METTL15: variants seen among roughly 807,000 people sequenced by gnomAD.
The protein encoded by METTL15 is methyltransferase 15, mitochondrial 12S rRNA N4-cytidine.
METTL15 carries 34 observed loss-of-function variants against 38.3 expected under a neutral mutation model. The observed-to-expected ratio is 0.89, with a 90% CI of 0.68 to 1.18. The LOEUF (loss-of-function observed/expected upper bound fraction) is 1.18. Ranked by LOEUF, METTL15 falls within the 50% of genes most tolerant of loss-of-function variation. The pLI, the probability that METTL15 is intolerant of heterozygous loss-of-function variation, is 0.00. For synonymous variants in METTL15, 162 were observed against 170.9 expected, an observed-to-expected ratio of 0.95 and a Z score of 0.41; for missense variants, 438 against 498.4, an observed-to-expected ratio of 0.88 and a Z score of 1.15.
intron 6 of METTL15, among the ~76,000 whole-genome samples, chr11:28,525,571 G>T (rs1040638186): frequency 2.0e-5 from 3 of 151,928 alleles, no homozygotes; most frequent in Non-Finnish European, 4.4e-5. Flanking sequence ...GACACAGAGC[G>T]CTGATTGGTG....
chr11:28,219,175 A>T (rs915933666), intron 4 of METTL15, among the ~76,000 whole-genome samples: 3 of 152,074 alleles, frequency 2.0e-5, no homozygotes, highest in African/African-American at 7.2e-5. Context: ...TTAGGCTGTG[A>T]GTCTGTCTGG....
At chr11:28,374,327 C>T (rs1438193668) in intron 5 of METTL15, among the ~76,000 whole-genome samples, 1 of 152,008 alleles carries the variant, frequency 6.6e-6, no homozygotes, top group Non-Finnish European at 1.5e-5. Context: ...TGTTTGTATC[C>T]TCTTTTATTT....
At chr11:28,154,792 A>T (rs1850207441) in intron 3 of METTL15, among the ~76,000 whole-genome samples, 2 of 152,180 alleles carry the variant, frequency 1.3e-5, no homozygotes, top group Non-Finnish European at 2.9e-5. Context: ...ATGCTACTGC[A>T]CTTAAATCCC....
chr11:28,390,603 C>T (rs565115876), intron 5 of METTL15, among the ~76,000 whole-genome samples: 1 of 152,256 alleles, frequency 6.6e-6, no homozygotes, highest in South Asian at 2.1e-4. Flanking sequence ...TGTTTTGGTA[C>T]TAGTACCAGG....
At chr11:28,203,461 GTATC>G (rs1244182467) in intron 3 of METTL15, among the ~76,000 whole-genome samples, 1 of 152,038 alleles carries the variant, frequency 6.6e-6, no homozygotes, top group Non-Finnish European at 1.5e-5. Context: ...GTTTCCATAT[GTATC>G]TATCTTCATA....
intron 5 of METTL15, among the ~76,000 whole-genome samples, chr11:28,385,219 A>G (rs1421858124): frequency 6.6e-6 from 1 of 152,116 alleles, no homozygotes. Flanking sequence ...ATCTTTGCTC[A>G]TTCCTGTGTT....
intron 4 of METTL15, among the ~76,000 whole-genome samples, chr11:28,218,954 G>C (rs558479606): frequency 4.6e-5 from 7 of 152,032 alleles, no homozygotes; most frequent in Admixed American, 2.6e-4. Flanking sequence ...TGCTGGATTC[G>C]GTTTGCCAGT....
chr11:28,154,245 G>A (rs1850188857), intron 3 of METTL15, among the ~76,000 whole-genome samples: 1 of 152,032 alleles, frequency 6.6e-6, no homozygotes, highest in East Asian at 1.9e-4. Context: ...CTTGTTACTT[G>A]CTTTATGATC....
At chr11:28,494,658 G>A (rs1851521856) in intron 6 of METTL15, among the ~76,000 whole-genome samples, 1 of 152,180 alleles carries the variant, frequency 6.6e-6, no homozygotes, top group Admixed American at 6.5e-5. Context: ...GACTCAGTGG[G>A]AGGTAATTGT....
At chr11:28,423,663 C>T (rs941777896) in intron 5 of METTL15, among the ~76,000 whole-genome samples, 3 of 151,818 alleles carry the variant, frequency 2.0e-5, no homozygotes, top group African/African-American at 7.3e-5. Flanking sequence ...AACAATTGAA[C>T]TGATGGAGAT....
At chr11:28,290,975 TA>T (rs1478635754) in intron 5 of METTL15, among the ~76,000 whole-genome samples, 3 of 152,034 alleles carry the variant, frequency 2.0e-5, no homozygotes, top group African/African-American at 7.2e-5. Context: ...TACTAGCATT[TA>T]TTCTCCATTA....
chr11:28,275,488 A>G (rs1049822637), intron 4 of METTL15, among the ~76,000 whole-genome samples: 3 of 152,008 alleles, frequency 2.0e-5, no homozygotes, highest in African/African-American at 7.2e-5. Context: ...AGAAAAGCCC[A>G]GGACTATATG....
At chr11:28,183,935 ACTTGTTATTGG>A (rs1388544890) in intron 3 of METTL15, among the ~76,000 whole-genome samples, 6 of 151,728 alleles carry the variant, frequency 4.0e-5, no homozygotes, top group Non-Finnish European at 5.9e-5. Context: ...CAATTTCAGA[ACTTGTTATTGG>A]TCTATTCAGG....
chr11:28,296,278 T>C (rs913308905), intron 5 of METTL15, among the ~76,000 whole-genome samples: 6 of 152,272 alleles, frequency 3.9e-5, no homozygotes, highest in South Asian at 4.1e-4. Context: ...CTAAGTTCAA[T>C]TTGTGTCTCC....
chr11:28,479,217 T>C (rs1176649587), intron 6 of METTL15, among the ~76,000 whole-genome samples: 2 of 18,310 alleles, frequency 1.1e-4, no homozygotes, highest in East Asian at 0.1. Flanking sequence ...GAGTGCCTAC[T>C]GTATGTCATG....
intron 3 of METTL15, among the ~76,000 whole-genome samples, chr11:28,115,967 A>AC (rs1851936824): frequency 8.0e-6 from 1 of 124,382 alleles, no homozygotes; most frequent in Admixed American, 8.1e-5. Flanking sequence ...CACACACACA[A>AC]CCCTACCGAT....
intron 6 of METTL15, among the ~76,000 whole-genome samples, chr11:28,326,660 T>C (rs1002053384): frequency 3.9e-5 from 6 of 152,134 alleles, no homozygotes; most frequent in African/African-American, 1.4e-4. Flanking sequence ...CACTGCAGTC[T>C]CAACCTCCCC....
In METTL15 at chr11:28,113,439, T is replaced by G. The variant is rs772150929; in HGVS notation, c.105T>G (p.Thr35=). Residue 35 remains threonine (T), a synonymous_variant, in exon 3 of 7, where the codon ACT becomes ACG. Transcript: ENST00000407364. ...NLGVWPNRIH[T]TAEKYREYEA... is the part of the protein sequence containing the mutation. The stretch of plus-strand genomic sequence containing the variant: ...GTGTCTGGCCAAACAGAATACATAC[T>G]ACAGCAGAAAAATATAGAGAATATG... 1.2e-6 allele frequency: 2 copies of G among 1,610,334 alleles called. No homozygotes were observed. The highest frequency in any genetic ancestry group is 1.7e-6 in the Non-Finnish European group (2 of 1,178,526).
At chr11:28,214,778 A>G (rs533839419) in intron 4 of METTL15, among the ~76,000 whole-genome samples, 1 of 152,182 alleles carries the variant, frequency 6.6e-6, no homozygotes, top group Non-Finnish European at 1.5e-5. Flanking sequence ...TTCTTTTTAT[A>G]ATGATCTACT....
Sources: allele counts gnomAD v4.1 joint callset (sites outside exome capture counted in the v4.1 genomes callset), GRCh38; gene constraint gnomAD v4.1.1; transcripts MANE v1.5; gene names NCBI Gene and HGNC (gene_info 2026-07-23, HGNC 2026-07-21).